INTS2: variants seen among roughly 807,000 people sequenced by gnomAD.
The protein encoded by INTS2 is integrator complex subunit 2.
Under a neutral mutation model 139.6 loss-of-function variants are expected in INTS2, and 57 were observed. The ratio of observed to expected loss-of-function variants is 0.41; its 90% confidence interval spans 0.33 to 0.51. The LOEUF is 0.51. Among genes scored for constraint, INTS2 ranks in the 20% least tolerant of loss-of-function variants. The pLI, the probability that INTS2 is intolerant of heterozygous loss-of-function variation, is 0.28. For missense variants in INTS2, 1,196 were observed against 1,436.7 expected (o/e 0.83, Z 2.71); for synonymous variants, 473 against 493.4 (o/e 0.96, Z 0.55).
intron 5 of INTS2, among the ~76,000 whole-genome samples, chr17:61,915,913 C>A (rs903061636): frequency 4.6e-5 from 7 of 151,580 alleles, no homozygotes; most frequent in African/African-American, 1.5e-4. Context: ...TTTAAAATGG[C>A]CATATTGCCC....
In INTS2 at chr17:61,909,825, G is replaced by GTGTGTGTGTACATGTGTGTA. The variant is rs2079506935; in HGVS notation, c.954+1694_954+1695insTACACACATGTACACACACA. On this transcript the variant is annotated intron_variant, in intron 7 of 24. Coordinates refer to ENST00000251334, the MANE Select transcript of INTS2 (RefSeq NM_001351695.2). The surrounding 1 kb of genome is among the most constrained non-coding windows in gnomAD (Gnocchi z 4.9). ...TACGTGTGTGTGTACATGTGTGTAT[G>GTGTGTGTGTACATGTGTGTA]TGTGTGTGTGTGTGTGTGTGTGTGT... is the stretch of plus-strand genomic sequence containing the variant. Among the ~76,000 whole-genome samples, 1 of 5,332 alleles carries GTGTGTGTGTACATGTGTGTA rather than the reference G, an allele frequency of 1.9e-4. No individual in the cohort carries two copies. The highest frequency in any genetic ancestry group is 8.7e-4 in the African/African-American group (1 of 1,148). 3.5% of individuals were successfully genotyped at this position (5,332 alleles called of 152,430 possible).
At chr17:61,902,076 C>T (rs1299081246) in intron 9 of INTS2, among the ~76,000 whole-genome samples, 2 of 152,146 alleles carry the variant, frequency 1.3e-5, no homozygotes, top group Admixed American at 6.6e-5. Flanking sequence ...CTTCTAACTT[C>T]CAGTGTTGTC....
At position 61,874,943 on chromosome 17, in the gene INTS2, A is replaced by G; in HGVS notation, c.2552T>C (p.Ile851Thr). The G allele has an allele frequency of 6.3e-7, 1 of 1,598,552 alleles. No homozygotes were observed. The change falls in exon 19 of 25, where the codon ATT becomes ACT. Residue 851 changes from isoleucine to threonine, a missense_variant. Physicochemically the swap from Ile to Thr is moderately conservative, Grantham distance 89. Transcript: ENST00000251334. ...TQNDLMIDPL[I>T]VLRCDQRVHR... ...AACCCTCTGATCACACCTTAGGACAATGAGAGGATCTATCATCAGGTCATT... is the reference window on the plus strand; with the variant it reads ...AACCCTCTGATCACACCTTAGGACAGTGAGAGGATCTATCATCAGGTCATT...
chr17:61,868,123 A>T lies in INTS2; in HGVS notation c.3245-114T>A. The T allele has an allele frequency of 1.4e-6, 1 of 734,146 alleles. No homozygotes were observed. The highest frequency in any genetic ancestry group is 2.1e-6 in the Non-Finnish European group (1 of 485,330). The allele number at this position is 734,146 out of a possible 1,614,324, so 45.5% of individuals were successfully genotyped here. A position where few individuals can be genotyped will look rare whatever the true frequency, so the allele number is the denominator to read the frequency against. Reference sequence around the variant, plus strand: ...GCTGGAGATATGAAGTTCTCTAAACACAGCCAACCCGTCTTCAGAAAGCTC... The same window carrying T: ...GCTGGAGATATGAAGTTCTCTAAACTCAGCCAACCCGTCTTCAGAAAGCTC... On this transcript the variant is annotated intron_variant, in intron 23 of 24. Transcript: ENST00000251334. The surrounding 1 kb of genome is among the most constrained non-coding windows in gnomAD (Gnocchi z 4.7).
At chr17:61,890,047 C>T (rs2079274444) in intron 14 of INTS2, among the ~76,000 whole-genome samples, 153 bp from the exon 15 acceptor site, 1 of 151,498 alleles carries the variant, frequency 6.6e-6, no homozygotes, top group Non-Finnish European at 1.5e-5. Flanking sequence ...GTATTAAACT[C>T]AAAAAAACAA....
intron 12 of INTS2, among the ~76,000 whole-genome samples, chr17:61,894,872 G>A (rs1371225131): frequency 6.6e-6 from 1 of 151,828 alleles, no homozygotes; most frequent in Non-Finnish European, 1.5e-5. Flanking sequence ...AAATCCTTAT[G>A]CTTATCCATG....
Position 61,927,529 on chromosome 17 carries a change from C to T in INTS2, c.-19+125G>A, listed in dbSNP as rs141465905. The stretch of plus-strand genomic sequence containing the variant: ...ACTGGAGCAGAGGAGCCAAGACCTG[C>T]GTGCTCCTCCGTCTCGCCCCGGGCG... On this transcript the variant is annotated intron_variant, in intron 1 of 24. Coordinates refer to ENST00000251334, the MANE Select transcript of INTS2 (RefSeq NM_001351695.2). 166 of 451,932 alleles carry T rather than the reference C, an allele frequency of 3.7e-4. 1 individual carries two copies. The Middle Eastern group carries it at 6.0e-3, about 16-fold the overall frequency. 28.0% of individuals were successfully genotyped at this position (451,932 alleles called of 1,614,324 possible).
chr17:61,871,469 A>T lies in INTS2; in HGVS notation c.2778+796T>A, dbSNP rs114446746. 6.6e-6 allele frequency among the ~76,000 whole-genome samples: 1 copy of T among 152,220 alleles called. No homozygotes were observed. The highest frequency in any genetic ancestry group is 2.4e-5 in the African/African-American group (1 of 41,540). ...GTTGAACTGCTTATATTGTCATGGTATTTATCACTGCCTGACATTTTATTA... is the reference window on the plus strand; with the variant it reads ...GTTGAACTGCTTATATTGTCATGGTTTTTATCACTGCCTGACATTTTATTA... On this transcript the variant is annotated intron_variant, in intron 20 of 24. Coordinates refer to ENST00000251334, the MANE Select transcript of INTS2 (RefSeq NM_001351695.2). The surrounding 1 kb of genome is among the most constrained non-coding windows in gnomAD (Gnocchi z 4.9).
intron 2 of INTS2, among the ~76,000 whole-genome samples, chr17:61,925,411 T>C (rs2079699997): frequency 6.6e-6 from 1 of 151,310 alleles, no homozygotes; most frequent in Admixed American, 6.6e-5. Context: ...AAACCTCGTC[T>C]CTACTAATAA....
At chr17:61,877,446 G>C (rs1174321029) in intron 18 of INTS2, among the ~76,000 whole-genome samples, 1 of 152,146 alleles carries the variant, frequency 6.6e-6, no homozygotes, top group Admixed American at 6.5e-5. Context: ...AATCACCTGG[G>C]GAATCTTTTA....
rs1303813247 is a variant in INTS2, at chr17:61,867,867, G to A, written c.3387C>T (p.Ala1129=). The A allele has an allele frequency of 1.9e-6, 3 of 1,603,204 alleles. No homozygotes were observed. Among genetic ancestry groups the A allele is most frequent in the Non-Finnish European group, 2.5e-6 (3 of 1,176,958 alleles). Residue 1129 remains alanine, a synonymous_variant, in exon 24 of 25, where the codon GCC becomes GCT. Coordinates refer to ENST00000251334, the MANE Select transcript of INTS2 (RefSeq NM_001351695.2). The surrounding 1 kb of genome is among the most constrained non-coding windows in gnomAD (Gnocchi z 5.6). ...QIGQVCASDV[A]TQTRDIDPII... ...TTGGATCAATGTCTCTTGTCTGAGTGGCAACATCAGAGGCACAAACTTGCC... is the reference window on the plus strand; with the variant it reads ...TTGGATCAATGTCTCTTGTCTGAGTAGCAACATCAGAGGCACAAACTTGCC...
rs1342952187 is a variant in INTS2, at chr17:61,873,699, A to C, written c.2582+1214T>G. Among the ~76,000 whole-genome samples the C allele has an allele frequency of 1.3e-5, 2 of 152,132 alleles. No individual in the cohort carries two copies. The highest frequency in any genetic ancestry group is 2.9e-5 in the Non-Finnish European group (2 of 68,006). On this transcript the variant is annotated intron_variant, in intron 19 of 24. Transcript: ENST00000251334. The surrounding 1 kb of genome is among the most constrained non-coding windows in gnomAD (Gnocchi z 4.0). ...AATCTTACCAAACCATATTTAGCTA[A>C]TTTTGTAGATTTTGTCACTTCGAGA...
rs4968459 is a variant in INTS2, at chr17:61,914,571, C to T, written c.650-2501G>A. 0.035 allele frequency among the ~76,000 whole-genome samples: 5,249 copies of T among 151,324 alleles called. 711 individuals are homozygous for T. The East Asian group carries it at 0.5, about 14-fold the overall frequency. ...AAAAATTAGCCGGGCGTGGTGGTGG[C>T]GGGCGCCTGTAGTCCCAGCTACTCG... On this transcript the variant is annotated intron_variant, in intron 5 of 24. Transcript: ENST00000251334.
intron 18 of INTS2, 56 bp downstream of exon 18, chr17:61,877,831 G>T: frequency 1.4e-6 from 2 of 1,398,662 alleles, no homozygotes; most frequent in South Asian, 2.4e-5. Context: ...TTAGGTTATT[G>T]TATATTATCC....
At chr17:61,901,089 AC>A (rs1338702247) in intron 9 of INTS2, among the ~76,000 whole-genome samples, 1 of 152,132 alleles carries the variant, frequency 6.6e-6, no homozygotes, top group East Asian at 1.9e-4. Flanking sequence ...AGCCTGGGCA[AC>A]AAAAGTGAGA....
At chr17:61,920,180 CTTT>C (rs772038233) in intron 4 of INTS2, among the ~76,000 whole-genome samples, 6 of 119,144 alleles carry the variant, frequency 5.0e-5, no homozygotes, top group Admixed American at 8.8e-5. Flanking sequence ...ATCTTATTTG[CTTT>C]TTTTTTTTTT....
chr17:61,920,203 C>T (rs1206682324), intron 4 of INTS2, among the ~76,000 whole-genome samples: 2 of 126,726 alleles, frequency 1.6e-5, no homozygotes, highest in Non-Finnish European at 3.2e-5. Flanking sequence ...TTTTTTGCGA[C>T]GAAGTCTCGC....
rs113985788 is a variant in INTS2, at chr17:61,880,261, T to C, written c.2254+746A>G. On this transcript the variant is annotated intron_variant, in intron 17 of 24. Coordinates refer to ENST00000251334, the MANE Select transcript of INTS2 (RefSeq NM_001351695.2). ...CGGGGTTTCACTGTGTTAGGCAGGA[T>C]GGTCTCAATCTCCTGACCTCATGAT... 2.9e-3 allele frequency among the ~76,000 whole-genome samples: 441 copies of C among 152,084 alleles called. 3 individuals carry two copies. The highest frequency in any genetic ancestry group is 0.01 in the African/African-American group (416 of 41,496).
intron 9 of INTS2, among the ~76,000 whole-genome samples, chr17:61,901,976 C>T (rs1218866755): frequency 6.6e-6 from 1 of 152,094 alleles, no homozygotes; most frequent in African/African-American, 2.4e-5. Flanking sequence ...CTTTGTCCTA[C>T]TTTGACATCT....
Sources: gnomAD v4.1 joint callset for allele counts (sites outside exome capture counted in the v4.1 genomes callset) on GRCh38, gnomAD v4.1.1 for gene constraint, Gnocchi (gnomAD v3.1) non-coding constraint, MANE v1.5 for transcripts, NCBI Gene and HGNC (gene_info 2026-07-23, HGNC 2026-07-21) for gene names.